AGAP1: variants seen among roughly 807,000 people sequenced by gnomAD.
AGAP1 encodes the protein arf-GAP with GTPase, ANK repeat and PH domain-containing protein 1.
Under a neutral mutation model 105.3 loss-of-function variants are expected in AGAP1, and 29 were observed. That is an observed-to-expected ratio of 0.28 (90% CI 0.21 to 0.38). AGAP1 has a LOEUF of 0.38. Ranked by LOEUF, AGAP1 falls within the 10% of genes least tolerant of loss-of-function variation. The probability of loss-of-function intolerance (pLI) is 1.00; values close to 1 mark genes in which losing one functional copy is unlikely to be tolerated. For synonymous variants in AGAP1, 509 were observed against 485.9 expected, an observed-to-expected ratio of 1.05 and a Z score of -0.63; for missense variants, 998 against 1,165.1, an observed-to-expected ratio of 0.86 and a Z score of 2.09.
intron 7 of AGAP1, among the ~76,000 whole-genome samples, chr2:235,798,891 AAAAG>A (rs1340099781): frequency 2.0e-5 from 3 of 151,288 alleles, no homozygotes; most frequent in Admixed American, 6.6e-5. Flanking sequence ...AAAAAAAAAA[AAAAG>A]AATGTCTTCA....
chr2:235,497,389 C>T (rs1023539507), intron 1 of AGAP1, among the ~76,000 whole-genome samples: 1 of 152,190 alleles, frequency 6.6e-6, no homozygotes, highest in East Asian at 1.9e-4. Context: ...TGTGCGTGCA[C>T]CTTGGAGGTT....
chr2:235,884,462 T>TTC (rs2050177355), intron 10 of AGAP1, among the ~76,000 whole-genome samples: 1 of 150,120 alleles, frequency 6.7e-6, no homozygotes, highest in South Asian at 2.1e-4. Context: ...GTTTTTTTTT[T>TTC]TTTTTTTGAG....
At position 235,569,039 on chromosome 2, in the gene AGAP1, C is replaced by T. The variant is rs559235594; in HGVS notation, c.163+74190C>T. 3.9e-5 allele frequency among the ~76,000 whole-genome samples: 6 copies of T among 152,322 alleles called. No individual in the cohort carries two copies. In the East Asian group the frequency reaches 5.8e-4, roughly 15 times the overall value. On this transcript the variant is annotated intron_variant, in intron 1 of 17. Coordinates refer to ENST00000304032, the MANE Select transcript of AGAP1 (RefSeq NM_001037131.3). This position sits in a 1 kb window ranked among gnomAD's most constrained non-coding sequence, Gnocchi z 5.9. ...CTTTTGCCATATAAGGATATGGCAG[C>T]GTATTCATAGGTTCTGGGTGTTGGG...
chr2:235,860,828 T>C (rs2048898842), intron 9 of AGAP1, among the ~76,000 whole-genome samples: 1 of 152,196 alleles, frequency 6.6e-6, no homozygotes, highest in African/African-American at 2.4e-5. Context: ...TGTATAAAAA[T>C]AAATATTTAC....
chr2:235,718,363 C>G, intron 3 of AGAP1: 5 of 985,388 alleles, frequency 5.1e-6, no homozygotes, highest in Non-Finnish European at 6.0e-6. Context: ...TTCTTACTGG[C>G]TGTTCCATTC....
intron 8 of AGAP1, among the ~76,000 whole-genome samples, chr2:235,803,445 G>A (rs568241908): frequency 2.0e-5 from 3 of 152,326 alleles, no homozygotes; most frequent in South Asian, 2.1e-4. Flanking sequence ...CTGTCAAAAT[G>A]TGTATTTATT....
intron 9 of AGAP1, among the ~76,000 whole-genome samples, chr2:235,833,176 T>C (rs1483788160): frequency 6.6e-6 from 1 of 152,094 alleles, no homozygotes; most frequent in Non-Finnish European, 1.5e-5. Flanking sequence ...CTGCAGGCGC[T>C]CTCCATTGGA....
chr2:235,763,091 G>GA (rs1281588980), intron 6 of AGAP1, among the ~76,000 whole-genome samples: 1 of 131,480 alleles, frequency 7.6e-6, no homozygotes, highest in Non-Finnish European at 1.7e-5. Flanking sequence ...TGCCGTGTTT[G>GA]AAAAAAATGG....
rs2054988929 is a variant in AGAP1 at position 235,979,212 on chromosome 2, C to A, written c.1645+10589C>A. ...TCTCAAATCCCTGGTCTCAAGAGAT[C>A]CTCCCATGTCAGCTTCCTGAGTTGC... On this transcript the variant is annotated intron_variant, in intron 13 of 17. Coordinates refer to ENST00000304032, the MANE Select transcript of AGAP1 (RefSeq NM_001037131.3). The surrounding 1 kb of genome is among the most constrained non-coding windows in gnomAD (Gnocchi z 4.5). Among the ~76,000 whole-genome samples the A allele has an allele frequency of 6.7e-6, 1 of 150,086 alleles. No individual in the cohort carries two copies. The highest frequency in any genetic ancestry group is 6.7e-5 in the Admixed American group (1 of 15,024).
chr2:235,753,494 C>T lies in AGAP1; in HGVS notation c.673+3006C>T, dbSNP rs1953635621. Among the ~76,000 whole-genome samples the T allele has an allele frequency of 6.6e-6, 1 of 152,146 alleles. No homozygotes were observed. Among genetic ancestry groups the T allele is most frequent in the African/African-American group, 2.4e-5 (1 of 41,436 alleles). On this transcript the variant is annotated intron_variant, in intron 6 of 17. Coordinates refer to ENST00000304032, the MANE Select transcript of AGAP1 (RefSeq NM_001037131.3). This position sits in a 1 kb window ranked among gnomAD's most constrained non-coding sequence, Gnocchi z 4.5. ...CTGAGGAGGGCAGATCACCTGAGGT[C>T]CATAGTTCGAGACCAGCCTGGCCAC... is the stretch of plus-strand genomic sequence containing the variant.
chr2:235,780,298 G>A (rs1956178759), intron 6 of AGAP1, among the ~76,000 whole-genome samples: 1 of 152,166 alleles, frequency 6.6e-6, no homozygotes, highest in African/African-American at 2.4e-5. Context: ...ATCATTGGCA[G>A]ATGCAGCAAA....
At chr2:235,656,410 C>G (rs1947772059) in intron 1 of AGAP1, among the ~76,000 whole-genome samples, 2 of 152,162 alleles carry the variant, frequency 1.3e-5, no homozygotes. Context: ...TTGCCTTCTA[C>G]TTCTAAACTT....
chr2:235,740,184 G>A lies in AGAP1; in HGVS notation c.311-779G>A, dbSNP rs1024720417. On this transcript the variant is annotated intron_variant, in intron 3 of 17. Transcript: ENST00000304032. This position sits in a 1 kb window ranked among gnomAD's most constrained non-coding sequence, Gnocchi z 5.7. ...AGGAGCAGGGCTGGCCTAGCGGGCC[G>A]GGCTGGGCACTGCAGCAACCTTGTA... 2.2e-4 allele frequency among the ~76,000 whole-genome samples: 33 copies of A among 152,106 alleles called. No individual in the cohort carries two copies. The highest frequency in any genetic ancestry group is 7.2e-4 in the African/African-American group (30 of 41,416).
intron 1 of AGAP1, among the ~76,000 whole-genome samples, chr2:235,503,688 C>G (rs1337717453): frequency 6.6e-6 from 1 of 152,148 alleles, no homozygotes; most frequent in Non-Finnish European, 1.5e-5. Flanking sequence ...CTCAACCTCC[C>G]AGACTCAAGT....
Position 235,919,212 on chromosome 2 carries a change from G to A in AGAP1, c.1324+10306G>A, listed in dbSNP as rs559564556. ...CCAGCCCCGGGGGCCAGTGAGAACC[G>A]AGGCCTTGGGAAAGGGCTTCTGGTT... On this transcript the variant is annotated intron_variant, in intron 11 of 17. Coordinates refer to ENST00000304032, the MANE Select transcript of AGAP1 (RefSeq NM_001037131.3). The surrounding 1 kb of genome is among the most constrained non-coding windows in gnomAD (Gnocchi z 4.1). Among the ~76,000 whole-genome samples, 7 of 152,122 alleles carry A rather than the reference G, an allele frequency of 4.6e-5. No homozygotes were observed. Among genetic ancestry groups the A allele is most frequent in the Non-Finnish European group, 7.4e-5 (5 of 68,016 alleles).
chr2:235,647,147 A>G (rs1223789085), intron 1 of AGAP1, among the ~76,000 whole-genome samples: 1 of 151,940 alleles, frequency 6.6e-6, no homozygotes, highest in Admixed American at 6.6e-5. Context: ...AGAAAAGTCA[A>G]GAGTCTTCAC....
chr2:235,848,456 A>G (rs1226716190), intron 9 of AGAP1, among the ~76,000 whole-genome samples: 1 of 152,218 alleles, frequency 6.6e-6, no homozygotes, highest in Non-Finnish European at 1.5e-5. Flanking sequence ...CCATATCAGA[A>G]CATGCTTAAG....
At position 236,053,071 on chromosome 2, in the gene AGAP1, G is replaced by A. The variant is rs3754653; in HGVS notation, c.2114+3790G>A. Among the ~76,000 whole-genome samples, 3 of 152,276 alleles carry A rather than the reference G, an allele frequency of 2.0e-5. No homozygotes were observed. Among genetic ancestry groups the A allele is most frequent in the East Asian group, 1.9e-4 (1 of 5,160 alleles). ...CGTGTGTGCGGTACCATAACGTAGCGTGTTGTAGGGCGTCGAGCAGCTGGG... is the reference window on the plus strand; with the variant it reads ...CGTGTGTGCGGTACCATAACGTAGCATGTTGTAGGGCGTCGAGCAGCTGGG... On this transcript the variant is annotated intron_variant, in intron 16 of 17. Coordinates refer to ENST00000304032, the MANE Select transcript of AGAP1 (RefSeq NM_001037131.3). This position sits in a 1 kb window ranked among gnomAD's most constrained non-coding sequence, Gnocchi z 4.6.
At chr2:235,607,776 C>T (rs1477276916) in intron 1 of AGAP1, among the ~76,000 whole-genome samples, 2 of 152,180 alleles carry the variant, frequency 1.3e-5, no homozygotes, top group Non-Finnish European at 2.9e-5. Context: ...CAGCGGGGCG[C>T]GAGACTGCTG....
Sources: allele counts gnomAD v4.1 joint callset (sites outside exome capture counted in the v4.1 genomes callset), GRCh38; gene constraint gnomAD v4.1.1; non-coding constraint Gnocchi (gnomAD v3.1); transcripts MANE v1.5; gene names NCBI Gene and HGNC (gene_info 2026-07-23, HGNC 2026-07-21).